The following PCDHA8 variants were observed in gnomAD, a reference collection of about 807,000 sequenced individuals.
PCDHA8 encodes protocadherin alpha-8.
PCDHA8 carries 53 observed loss-of-function variants against 61.8 expected under a neutral mutation model. The ratio of observed to expected loss-of-function variants is 0.86; its 90% confidence interval spans 0.69 to 1.08. PCDHA8 has a LOEUF of 1.08. Among genes scored for constraint, PCDHA8 ranks in the 50% least tolerant of loss-of-function variants. The pLI, the probability that PCDHA8 is intolerant of heterozygous loss-of-function variation, is 0.00. For synonymous variants in PCDHA8, 618 were observed against 556.6 expected (o/e 1.11, Z -1.55); for missense variants, 1,293 against 1,245.0 (o/e 1.04, Z -0.58).
At chr5:141,001,723 A>T (rs936645287) in intron 3 of PCDHA8, among the ~76,000 whole-genome samples, 1 of 152,168 alleles carries the variant, frequency 6.6e-6, no homozygotes, top group Non-Finnish European at 1.5e-5. Flanking sequence ...GGAGCTTGAG[A>T]TATTTTACAA....
Position 140,886,603 on chromosome 5 carries a change from G to GGATCAGGA in PCDHA8, c.2394+42898_2394+42905dup, listed in dbSNP as rs567691866. On this transcript the variant is annotated intron_variant, in intron 1 of 3. Coordinates refer to ENST00000531613, the MANE Select transcript of PCDHA8 (RefSeq NM_018911.3). ...AGCACTTTGGGAGGCCAAGGTGGGC[G>GGATCAGGA]GATCAGGAGATCAGGAGTCCGAGAC... 2.7e-3 allele frequency among the ~76,000 whole-genome samples: 409 copies of GGATCAGGA among 152,092 alleles called. 3 individuals carry two copies. The highest frequency in any genetic ancestry group is 0.014 in the Middle Eastern group (4 of 294).
At chr5:140,918,560 G>A (rs1243205653) in intron 1 of PCDHA8, among the ~76,000 whole-genome samples, 1 of 152,180 alleles carries the variant, frequency 6.6e-6, no homozygotes, top group Non-Finnish European at 1.5e-5. Context: ...TGAGAAGAAT[G>A]TATATTATGC....
At chr5:140,893,150 A>T (rs1398784015) in intron 1 of PCDHA8, among the ~76,000 whole-genome samples, 2 of 152,066 alleles carry the variant, frequency 1.3e-5, no homozygotes, top group African/African-American at 4.8e-5. Flanking sequence ...TCATCTGTTG[A>T]TGGATATTGA....
chr5:140,957,694 C>T (rs269548), intron 1 of PCDHA8, among the ~76,000 whole-genome samples: 31,397 of 151,782 alleles, frequency 0.21, 4,012 homozygotes, highest in African/African-American at 0.36. Flanking sequence ...AGACAATGAA[C>T]ATTATGTAGT....
intron 1 of PCDHA8, among the ~76,000 whole-genome samples, chr5:140,904,464 T>G (rs2071152048): frequency 1.3e-5 from 2 of 151,802 alleles, no homozygotes; most frequent in South Asian, 4.1e-4. Context: ...CACTTGTTGA[T>G]TGGTGGCTAT....
chr5:140,966,539 T>TCGGAGGCGAG (rs2096018089), intron 1 of PCDHA8: 1 of 462,064 alleles, frequency 2.2e-6, no homozygotes, highest in Non-Finnish European at 3.7e-6. Flanking sequence ...GTTGAGCGAC[T>TCGGAGGCGAG]CGGAGGCGAG....
At chr5:140,875,367 T>A (rs937879067) in intron 1 of PCDHA8, 1 of 1,449,166 alleles carries the variant, frequency 6.9e-7, no homozygotes, top group Non-Finnish European at 9.1e-7. Context: ...CTGGAAAAAA[T>A]TTACTAAATA....
intron 3 of PCDHA8, among the ~76,000 whole-genome samples, chr5:140,989,753 A>G (rs1349273749): frequency 6.6e-6 from 1 of 152,224 alleles, no homozygotes; most frequent in Admixed American, 6.5e-5. Context: ...ATCTGGAGAA[A>G]CATATTCAGT....
chr5:140,861,353 T>C lies in PCDHA8; in HGVS notation c.2394+17638T>C, dbSNP rs79040493. The C allele has an allele frequency of 1.3e-3, 424 of 327,094 alleles. 1 individual carries two copies. Among genetic ancestry groups the C allele is most frequent in the African/African-American group, 8.5e-3 (393 of 46,466 alleles). The allele number at this position is 327,094 out of a possible 1,614,324, so 20.3% of individuals were successfully genotyped here. On this transcript the variant is annotated intron_variant, in intron 1 of 3. Coordinates refer to ENST00000531613, the MANE Select transcript of PCDHA8 (RefSeq NM_018911.3). ...CCTGGAAGAGGCCAAGGACGGCACA[T>C]AGCGTCTTCGCGGTCCCTATTGCGC...
intron 1 of PCDHA8, among the ~76,000 whole-genome samples, chr5:140,896,645 A>G (rs988054711): frequency 1.3e-5 from 2 of 151,728 alleles, no homozygotes; most frequent in African/African-American, 4.8e-5. Context: ...CCAAAGTGCT[A>G]GTATTACAGG....
intron 1 of PCDHA8, among the ~76,000 whole-genome samples, chr5:140,971,183 G>C (rs1471489236): frequency 1.3e-5 from 2 of 152,170 alleles, no homozygotes; most frequent in African/African-American, 4.8e-5. Flanking sequence ...CTGTAAGCCG[G>C]AAGCTCAGAG....
intron 1 of PCDHA8, among the ~76,000 whole-genome samples, chr5:140,959,421 TTTG>T (rs1393541693): frequency 6.6e-6 from 1 of 152,102 alleles, no homozygotes; most frequent in East Asian, 1.9e-4. Flanking sequence ...GATCTGAGAA[TTTG>T]TGTATTTTTT....
Position 140,968,423 on chromosome 5 carries a change from G to A in PCDHA8, c.2395-10526G>A, listed in dbSNP as rs782235507. The A allele has an allele frequency of 1.9e-6, 3 of 1,614,028 alleles. No homozygotes were observed. The South Asian group carries it at 3.3e-5, about 18-fold the overall frequency. On this transcript the variant is annotated intron_variant, in intron 1 of 3. Transcript: ENST00000531613. ...GTTCTTTGTGACTGTGGAGGCTCAG[G>A]ACAAGGGGAGCCCACCACTGAGCAG...
chr5:140,845,092 C>G (rs145327720), intron 1 of PCDHA8, among the ~76,000 whole-genome samples: 1 of 149,560 alleles, frequency 6.7e-6, no homozygotes, highest in South Asian at 2.1e-4. Flanking sequence ...GTTTATTTTA[C>G]AGTTCTCTTA....
intron 1 of PCDHA8, chr5:140,927,477 G>A: frequency 6.2e-7 from 1 of 1,614,118 alleles, no homozygotes; most frequent in Non-Finnish European, 8.5e-7. Flanking sequence ...ATCGCGAACA[G>A]CGCGCCACCC....
chr5:140,984,550 A>C (rs1486017679), intron 3 of PCDHA8, among the ~76,000 whole-genome samples: 1 of 152,134 alleles, frequency 6.6e-6, no homozygotes, highest in Non-Finnish European at 1.5e-5. Flanking sequence ...GATAGAGCTT[A>C]CATCTTCCAA....
chr5:140,853,436 T>C (rs1442377806), intron 1 of PCDHA8: 3 of 984,616 alleles, frequency 3.0e-6, no homozygotes, highest in African/African-American at 3.5e-5. Flanking sequence ...CACTTTCCTA[T>C]TTTGCCTAAT....
rs117857377 is a variant in PCDHA8, at chr5:140,947,298, A to G, written c.2395-31651A>G. ...TTTTTCTTTTTATTGCATTATCTTG[A>G]CATCTTTGTAAAAAGTCGGTTGACC... On this transcript the variant is annotated intron_variant, in intron 1 of 3. Transcript: ENST00000531613. Among the ~76,000 whole-genome samples, 349 of 151,704 alleles carry G rather than the reference A, an allele frequency of 2.3e-3. 8 individuals carry two copies. In the East Asian group the frequency reaches 0.06, roughly 26 times the overall value.
intron 1 of PCDHA8, among the ~76,000 whole-genome samples, chr5:140,936,813 T>C (rs1299896116): frequency 6.6e-6 from 1 of 152,216 alleles, no homozygotes; most frequent in Non-Finnish European, 1.5e-5. Flanking sequence ...TTAGCTATTT[T>C]TGGCCCTTTG....
Sources: allele counts gnomAD v4.1 joint callset (sites outside exome capture counted in the v4.1 genomes callset), GRCh38; gene constraint gnomAD v4.1.1; transcripts MANE v1.5; gene names NCBI Gene and HGNC (gene_info 2026-07-23, HGNC 2026-07-21).